GALNT7: variants seen among roughly 807,000 people sequenced by gnomAD.
GALNT7 encodes polypeptide N-acetylgalactosaminyltransferase 7.
GALNT7 carries 60 observed loss-of-function variants against 82.1 expected under a neutral mutation model. The observed-to-expected ratio is 0.73, with a 90% CI of 0.59 to 0.91. The LOEUF (loss-of-function observed/expected upper bound fraction) is 0.91, where lower values mean the gene tolerates loss of function less well. Ranked by LOEUF, GALNT7 falls within the 40% of genes least tolerant of loss-of-function variation. The probability of loss-of-function intolerance (pLI) is 0.00; values close to 1 mark genes in which losing one functional copy is unlikely to be tolerated. For synonymous variants in GALNT7, 243 were observed against 275.1 expected (o/e 0.88, Z 1.15); for missense variants, 660 against 804.2 (o/e 0.82, Z 2.17).
intron 1 of GALNT7, among the ~76,000 whole-genome samples, chr4:173,219,543 T>C (rs1241133744): frequency 6.6e-6 from 1 of 152,218 alleles, no homozygotes; most frequent in African/African-American, 2.4e-5. Context: ...GTAGTTCTAC[T>C]TTTAGTTCTT....
chr4:173,181,443 T>C (rs1033065175), intron 1 of GALNT7, among the ~76,000 whole-genome samples: 1 of 152,176 alleles, frequency 6.6e-6, no homozygotes, highest in African/African-American at 2.4e-5. Context: ...CTTTAGTAAA[T>C]AATTTTCTAA....
intron 1 of GALNT7, among the ~76,000 whole-genome samples, chr4:173,188,266 A>G (rs1458387180): frequency 6.6e-6 from 1 of 152,224 alleles, no homozygotes; most frequent in East Asian, 1.9e-4. Flanking sequence ...CTTCTAGGTA[A>G]CAACTAGAGT....
intron 2 of GALNT7, among the ~76,000 whole-genome samples, chr4:173,284,721 GA>G (rs529021490): frequency 7.7e-5 from 11 of 141,976 alleles, no homozygotes; most frequent in East Asian, 2.1e-4. Context: ...TCAAAAATTT[GA>G]AAAAAAAAAC....
intron 3 of GALNT7, among the ~76,000 whole-genome samples, chr4:173,293,142 T>C (rs1376809964): frequency 2.0e-5 from 3 of 152,154 alleles, no homozygotes; most frequent in African/African-American, 4.8e-5. Context: ...CTCTATATTA[T>C]TAATACCAGT....
At chr4:173,169,698 G>A (rs2126610086) in intron 1 of GALNT7, 1 of 151,940 alleles carries the variant, frequency 6.6e-6, no homozygotes, top group East Asian at 2.0e-4. Flanking sequence ...GATGGCGGAG[G>A]GGCGTCCCCG....
intron 1 of GALNT7, among the ~76,000 whole-genome samples, chr4:173,183,941 C>T (rs947001112): frequency 5.3e-5 from 8 of 149,740 alleles, no homozygotes; most frequent in Admixed American, 2.0e-4. Context: ...CAGGCAGAGA[C>T]GCTCCTCACC....
chr4:173,215,004 C>T (rs1004319901), intron 1 of GALNT7, among the ~76,000 whole-genome samples: 2 of 152,080 alleles, frequency 1.3e-5, no homozygotes, highest in African/African-American at 4.8e-5. Flanking sequence ...GACATGTGGA[C>T]CCATTCCTTT....
At chr4:173,276,499 A>C (rs1735917588) in intron 2 of GALNT7, among the ~76,000 whole-genome samples, 1 of 152,176 alleles carries the variant, frequency 6.6e-6, no homozygotes. Flanking sequence ...AACTATAACC[A>C]CAGTTTTATT....
chr4:173,224,163 G>C (rs1579927230), intron 1 of GALNT7, among the ~76,000 whole-genome samples: 1 of 152,186 alleles, frequency 6.6e-6, no homozygotes, highest in East Asian at 1.9e-4. Flanking sequence ...TGATTAGCTG[G>C]CCTTCTTCTG....
In GALNT7 at chr4:173,323,238, C is replaced by T. The variant is rs891581411; in HGVS notation, c.*1521C>T. The T allele has an allele frequency of 6.6e-6, 1 of 152,330 alleles. No homozygotes were observed. The highest frequency in any genetic ancestry group is 6.6e-5 in the Admixed American group (1 of 15,258). The allele number at this position is 152,330 out of a possible 1,614,324, so 9.4% of individuals were successfully genotyped here. ...ATGAAAGGAATTCACAAACTACTGC[C>T]AGAGGAAGTTTGTTTTTTAATTTAA... is the stretch of plus-strand genomic sequence containing the variant. On this transcript the variant is annotated 3_prime_UTR_variant, in exon 12 of 12. Transcript: ENST00000265000.
At position 173,248,278 on chromosome 4, in the gene GALNT7, C is replaced by T. The variant is rs994514137; in HGVS notation, c.425C>T (p.Pro142Leu). Residue 142 changes from proline to leucine, a missense_variant, in exon 2 of 12, where the codon CCT becomes CTT. By Grantham distance (98) the Pro-to-Leu change is moderately conservative. Transcript: ENST00000265000. ...AACTTTGAACCCAAAGAACCTGAGC[C>T]TCCTGGAGTGGTTGGTGGCCCTGGA... The part of the protein sequence containing the change: ...LGNFEPKEPE[P>L]PGVVGGPGEK... 2.5e-6 allele frequency: 4 copies of T among 1,613,928 alleles called. No homozygotes were observed. Among genetic ancestry groups the T allele is most frequent in the Non-Finnish European group, 2.5e-6 (3 of 1,179,872 alleles).
chr4:173,259,752 C>T (rs1183526206), intron 2 of GALNT7, among the ~76,000 whole-genome samples: 1 of 152,182 alleles, frequency 6.6e-6, no homozygotes, highest in Non-Finnish European at 1.5e-5. Context: ...ATTTTACCAC[C>T]TCATCCTCTC....
Position 173,304,096 on chromosome 4 carries a change from T to C in GALNT7, c.1367T>C (p.Val456Ala), listed in dbSNP as rs1389081466. The C allele has an allele frequency of 1.2e-6, 2 of 1,613,536 alleles. No individual in the cohort carries two copies. Among genetic ancestry groups the C allele is most frequent in the Non-Finnish European group, 1.7e-6 (2 of 1,179,788 alleles). Residue 456 changes from valine (V) to alanine (A), a missense_variant, in exon 8 of 12, where the codon GTT (valine) becomes GCT (alanine). Around this residue, in one of 2 missense-constraint regions of GALNT7, gnomAD observed 527 missense variants for 683.5 expected, o/e 0.77. Transcript: ENST00000265000. ...GWQGNPPPIYVGSSPTLKNYV... is the reference protein window; with the variant it reads ...GWQGNPPPIYAGSSPTLKNYV... ...CAAGGAAATCCTCCGCCCATTTATG[T>C]TGGGTCTTCTCCAACTCTGAAGGTG...
chr4:173,186,978 G>A (rs977350853), intron 1 of GALNT7, among the ~76,000 whole-genome samples: 5 of 151,934 alleles, frequency 3.3e-5, no homozygotes, highest in Admixed American at 6.6e-5. Context: ...GGATGGTCTC[G>A]ATCTCCTGAC....
intron 2 of GALNT7, among the ~76,000 whole-genome samples, chr4:173,255,390 C>T (rs1735001557): frequency 6.6e-6 from 1 of 152,182 alleles, no homozygotes; most frequent in Non-Finnish European, 1.5e-5. Context: ...CTCTCTTCAT[C>T]CCTCTAGCTC....
At chr4:173,271,537 TC>T (rs1342554364) in intron 2 of GALNT7, among the ~76,000 whole-genome samples, 1 of 152,096 alleles carries the variant, frequency 6.6e-6, no homozygotes, top group Non-Finnish European at 1.5e-5. Context: ...CACTGAAACT[TC>T]CTCTGCCTCC....
chr4:173,194,438 G>A (rs1732717843), intron 1 of GALNT7, among the ~76,000 whole-genome samples: 1 of 152,150 alleles, frequency 6.6e-6, no homozygotes. Flanking sequence ...TTGTCAACAC[G>A]TCCACATTTG....
intron 1 of GALNT7, among the ~76,000 whole-genome samples, chr4:173,217,293 A>T (rs750133356): frequency 6.6e-6 from 1 of 152,158 alleles, no homozygotes; most frequent in Non-Finnish European, 1.5e-5. Context: ...TTCTTACAGA[A>T]GGGTGTGTCG....
intron 2 of GALNT7, among the ~76,000 whole-genome samples, chr4:173,264,231 A>C (rs1039333749): frequency 2.0e-5 from 3 of 152,228 alleles, no homozygotes; most frequent in Admixed American, 6.5e-5. Flanking sequence ...AACGTTAAGC[A>C]GATATATAAT....
Sources: allele counts gnomAD v4.1 joint callset (sites outside exome capture counted in the v4.1 genomes callset), GRCh38; gene constraint gnomAD v4.1.1; regional missense constraint gnomAD v4.1.1; transcripts MANE v1.5; gene names NCBI Gene and HGNC (gene_info 2026-07-23, HGNC 2026-07-21).